STOML3: variants seen among roughly 807,000 people sequenced by gnomAD.
The protein encoded by STOML3 is stomatin like 3, also known as stomatin-like protein 3.
In STOML3, 31 loss-of-function variants were observed where a neutral mutation model predicts 29.5. That is an observed-to-expected ratio of 1.05 (90% CI 0.79 to 1.42). STOML3 has a LOEUF of 1.42. STOML3 is among the 40% of genes most tolerant of loss of function. The pLI is 0.00. For synonymous variants in STOML3, 122 were observed against 139.8 expected, an observed-to-expected ratio of 0.87 and a Z score of 0.90; for missense variants, 380 against 363.0, an observed-to-expected ratio of 1.05 and a Z score of -0.38.
intron 1 of STOML3, among the ~76,000 whole-genome samples, chr13:38,984,301 T>C (rs1868421751): frequency 6.6e-6 from 1 of 152,178 alleles, no homozygotes; most frequent in South Asian, 2.1e-4. Flanking sequence ...GGTCTTTGTG[T>C]TCCTCAGCCC....
rs751134399 is a variant in STOML3 at position 38,966,938 on chromosome 13, T to C, written c.763A>G (p.Thr255Ala). ...LQLRYLQTLS[T>A]VATEKNSTIV... ...GTAGAATTCTTCTCGGTGGCTACCGTGCTCAAGGTCTGCAGGTAGCGCAGC... is the reference window on the plus strand; with the variant it reads ...GTAGAATTCTTCTCGGTGGCTACCGCGCTCAAGGTCTGCAGGTAGCGCAGC... Residue 255 changes from threonine (T) to alanine (A), a missense_variant, in exon 7 of 7, where the codon ACG (threonine) becomes GCG (alanine). Coordinates refer to ENST00000379631, the MANE Select transcript of STOML3 (RefSeq NM_145286.3). The C allele has an allele frequency of 1.2e-6, 2 of 1,614,020 alleles. No homozygotes were observed. Among genetic ancestry groups the C allele is most frequent in the Non-Finnish European group, 8.5e-7 (1 of 1,179,996 alleles).
chr13:38,988,475 T>G (rs1566211938), intron 1 of STOML3, among the ~76,000 whole-genome samples: 5 of 46,370 alleles, frequency 1.1e-4, no homozygotes, highest in South Asian at 5.5e-4. Context: ...TTATATATAA[T>G]ATATTTTATA....
chr13:38,974,501 G>A (rs1048100526), intron 3 of STOML3, among the ~76,000 whole-genome samples: 2 of 151,922 alleles, frequency 1.3e-5, no homozygotes, highest in South Asian at 2.1e-4. Flanking sequence ...CTAACACTTC[G>A]GTTACCTAAT....
rs1263453203 is a variant in STOML3 at position 38,966,967 on chromosome 13, A to G, written c.734T>C (p.Leu245Pro). ...SMVLAESPIA[L>P]QLRYLQTLST... is the part of the protein sequence containing the mutation. ...CAAGGTCTGCAGGTAGCGCAGCTGG[A>G]GAGCTATGGGAGACTCAGCCAGCAC... The change falls in exon 7 of 7, where the codon CTC (leucine) becomes CCC (proline). Residue 245 changes from leucine (L) to proline (P), a missense_variant. Physicochemically the swap from Leu to Pro is moderately conservative, Grantham distance 98. Coordinates refer to ENST00000379631, the MANE Select transcript of STOML3 (RefSeq NM_145286.3). The G allele has an allele frequency of 6.2e-7, 1 of 1,614,144 alleles. No homozygotes were observed. The highest frequency in any genetic ancestry group is 1.1e-5 in the South Asian group (1 of 91,072).
At chr13:38,978,369 G>C (rs944717805) in intron 1 of STOML3, among the ~76,000 whole-genome samples, 3 of 151,846 alleles carry the variant, frequency 2.0e-5, no homozygotes, top group South Asian at 2.1e-4. Context: ...GGCCAGGCTG[G>C]TGTCGAACTC....
chr13:38,978,528 G>T (rs1358775061), intron 1 of STOML3, among the ~76,000 whole-genome samples: 2 of 151,970 alleles, frequency 1.3e-5, no homozygotes, highest in Non-Finnish European at 2.9e-5. Context: ...CGCATCCCAT[G>T]ATCTCCTCCA....
intron 1 of STOML3, among the ~76,000 whole-genome samples, chr13:38,990,048 T>C (rs1291780235): frequency 6.6e-6 from 1 of 152,128 alleles, no homozygotes; most frequent in Non-Finnish European, 1.5e-5. Flanking sequence ...TCAGAATTAT[T>C]GTAAAATTGA....
At chr13:38,973,315 A>G (rs1365625300) in intron 3 of STOML3, among the ~76,000 whole-genome samples, 1 of 152,008 alleles carries the variant, frequency 6.6e-6, no homozygotes, top group Non-Finnish European at 1.5e-5. Context: ...TGTTCATTGT[A>G]CTGGTTGTGA....
rs1593496255 is a variant in STOML3, at chr13:38,968,409, C to T, written c.642G>A (p.Ala214=). Residue 214 remains alanine, a synonymous_variant, in exon 6 of 7, where the codon GCG becomes GCA. Transcript: ENST00000379631. ...ACTGCACAACACTTACCTTGGCTCT[C>T]GCTTCCCGGGTGGCCTCAGCCTCGG... is the stretch of plus-strand genomic sequence containing the variant. The part of the protein sequence containing the change: ...MAAEAEATRE[A]RAKVLAAEGE... 7 of 1,614,142 alleles carry T rather than the reference C, an allele frequency of 4.3e-6. No homozygotes were observed. The highest frequency in any genetic ancestry group is 1.1e-5 in the South Asian group (1 of 91,084).
In STOML3 at chr13:38,966,135, G is replaced by A. The variant is rs1880634554; in HGVS notation, c.*690C>T. The A allele has an allele frequency of 6.6e-6, 1 of 152,206 alleles. No homozygotes were observed. The highest frequency in any genetic ancestry group is 1.5e-5 in the Non-Finnish European group (1 of 68,070). 9.4% of individuals were successfully genotyped at this position (152,206 alleles called of 1,614,324 possible). A position where few individuals can be genotyped will look rare whatever the true frequency, so the allele number is the denominator to read the frequency against. On this transcript the variant is annotated 3_prime_UTR_variant, in exon 7 of 7. Coordinates refer to ENST00000379631, the MANE Select transcript of STOML3 (RefSeq NM_145286.3). ...CCTTTCCAAGCATTCTCCCTTGTAAGCAAATAAATTGACAGGAGCTGGCCA... is the reference window on the plus strand; with the variant it reads ...CCTTTCCAAGCATTCTCCCTTGTAAACAAATAAATTGACAGGAGCTGGCCA...
intron 1 of STOML3, among the ~76,000 whole-genome samples, chr13:38,988,239 T>TATATA (rs1189727146): frequency 1.1e-5 from 1 of 89,990 alleles, no homozygotes; most frequent in African/African-American, 5.2e-5. Context: ...ATATATTTTA[T>TATATA]ATATAATATA....
At chr13:38,985,983 G>A (rs1427985142) in intron 1 of STOML3, among the ~76,000 whole-genome samples, 2 of 112,858 alleles carry the variant, frequency 1.8e-5, no homozygotes, top group Non-Finnish European at 3.4e-5. Context: ...TCTAAATAAT[G>A]GAAGTATAAG....
At chr13:38,982,716 G>A (rs1485660542) in intron 1 of STOML3, among the ~76,000 whole-genome samples, 1 of 152,112 alleles carries the variant, frequency 6.6e-6, no homozygotes, top group Non-Finnish European at 1.5e-5. Context: ...AAATAAGATG[G>A]TTACAAGTTG....
chr13:38,983,705 A>T (rs544317135), intron 1 of STOML3, among the ~76,000 whole-genome samples: 1 of 152,308 alleles, frequency 6.6e-6, no homozygotes, highest in South Asian at 2.1e-4. Context: ...CGCTAGTCCT[A>T]TGAATACAAA....
At chr13:38,972,485 G>C in intron 4 of STOML3, 27 bp downstream of exon 4, 1 of 1,593,782 alleles carries the variant, frequency 6.3e-7, no homozygotes, top group Non-Finnish European at 8.6e-7. Flanking sequence ...GTTTAATTTC[G>C]AGTGACATAT....
chr13:38,988,747 C>T (rs1458063646), intron 1 of STOML3, among the ~76,000 whole-genome samples: 1 of 141,094 alleles, frequency 7.1e-6, no homozygotes, highest in Non-Finnish European at 1.5e-5. Flanking sequence ...ATATTTGCCA[C>T]TTATGTGCTG....
chr13:38,987,932 T>C (rs1178628482), intron 1 of STOML3, among the ~76,000 whole-genome samples: 1 of 48,170 alleles, frequency 2.1e-5, no homozygotes, highest in Non-Finnish European at 2.8e-5. Flanking sequence ...ATATAATATA[T>C]TATGTTATAT....
At chr13:38,985,889 C>CTTTTTTTTTTTTTTTTTTTTTTTTTTTT (rs200028643) in intron 1 of STOML3, among the ~76,000 whole-genome samples, 1 of 61,384 alleles carries the variant, frequency 1.6e-5, no homozygotes, top group African/African-American at 4.6e-5. Flanking sequence ...GTGGCTATTT[C>CTTTTTTTTTTTTTTTTTTTTTTTTTTTT]TTTTTTTTTT....
At chr13:38,983,032 A>G (rs1288735017) in intron 1 of STOML3, among the ~76,000 whole-genome samples, 4 of 151,902 alleles carry the variant, frequency 2.6e-5, no homozygotes, top group African/African-American at 9.7e-5. Flanking sequence ...ATTTTCCCCT[A>G]TCCCTCTGTT....
Sources: gnomAD v4.1 joint callset for allele counts (sites outside exome capture counted in the v4.1 genomes callset) on GRCh38, gnomAD v4.1.1 for gene constraint, MANE v1.5 for transcripts, NCBI Gene and HGNC (gene_info 2026-07-23, HGNC 2026-07-21) for gene names.